CAB39: variants seen among roughly 807,000 people sequenced by gnomAD.
CAB39 encodes the protein calcium-binding protein 39.
CAB39 carries 8 observed loss-of-function variants against 40.0 expected under a neutral mutation model. The ratio of observed to expected loss-of-function variants is 0.20; its 90% confidence interval spans 0.12 to 0.36. The LOEUF is 0.36. Ranked by LOEUF, CAB39 falls within the 10% of genes least tolerant of loss-of-function variation. CAB39 has a pLI of 1.00. For synonymous variants in CAB39, 156 were observed against 141.6 expected (o/e 1.10, Z -0.72); for missense variants, 270 against 401.1 (o/e 0.67, Z 2.79).
At chr2:230,765,041 C>T (rs1695360834) in intron 2 of CAB39, among the ~76,000 whole-genome samples, 1 of 152,128 alleles carries the variant, frequency 6.6e-6, no homozygotes, top group African/African-American at 2.4e-5. Context: ...GGCTGGAGTG[C>T]AGTGGCGCAG....
intron 1 of CAB39, among the ~76,000 whole-genome samples, chr2:230,733,083 T>C (rs563129440): frequency 6.6e-6 from 1 of 152,274 alleles, no homozygotes; most frequent in Non-Finnish European, 1.5e-5. Flanking sequence ...GATTGAGAAA[T>C]GGACATGCAC....
intron 1 of CAB39, among the ~76,000 whole-genome samples, chr2:230,747,236 GA>G (rs577190943): frequency 7.6e-4 from 116 of 152,240 alleles, no homozygotes; most frequent in African/African-American, 2.6e-3. Context: ...AAAAGAAAAA[GA>G]AAAAAGTGGT....
chr2:230,732,221 A>G (rs1266763028), intron 1 of CAB39, among the ~76,000 whole-genome samples: 1 of 152,086 alleles, frequency 6.6e-6, no homozygotes, highest in Non-Finnish European at 1.5e-5. Flanking sequence ...AGCTGGGACT[A>G]CAGGCGCCTG....
Position 230,798,861 on chromosome 2 carries a change from A to G in CAB39, c.531A>G (p.Thr177=). ...YDFFRYVEMS[T]FDIASDAFAT... The stretch of plus-strand genomic sequence containing the variant: ...TCTTCAGATATGTCGAAATGTCAAC[A>G]TTTGACATAGCTTCAGATGCATTTG... The change falls in exon 5 of 9, where the codon ACA becomes ACG. Residue 177 remains threonine, a synonymous_variant. Transcript: ENST00000258418. 1.2e-6 allele frequency: 2 copies of G among 1,604,864 alleles called. No individual in the cohort carries two copies. The highest frequency in any genetic ancestry group is 1.7e-6 in the Non-Finnish European group (2 of 1,173,912).
At chr2:230,818,416 C>T in intron 8 of CAB39, 100 bp from the exon 9 acceptor site, 1 of 924,294 alleles carries the variant, frequency 1.1e-6, no homozygotes, top group Non-Finnish European at 1.7e-6. Flanking sequence ...AGCGCCATCC[C>T]AGGAGAGCAC....
At chr2:230,776,496 C>T (rs1226211038) in intron 2 of CAB39, among the ~76,000 whole-genome samples, 1 of 152,154 alleles carries the variant, frequency 6.6e-6, no homozygotes, top group East Asian at 1.9e-4. Context: ...ATCTGTTCTC[C>T]AAGTCTATAC....
At chr2:230,782,453 A>G (rs555347774) in intron 2 of CAB39, among the ~76,000 whole-genome samples, 2 of 152,302 alleles carry the variant, frequency 1.3e-5, no homozygotes, top group South Asian at 4.1e-4. Flanking sequence ...TTTGATCTAT[A>G]TAATTTACCT....
intron 1 of CAB39, among the ~76,000 whole-genome samples, chr2:230,731,798 T>C (rs1304534671): frequency 1.3e-5 from 2 of 151,940 alleles, no homozygotes; most frequent in Non-Finnish European, 2.9e-5. Flanking sequence ...CCCAGCTGAA[T>C]TGTATGCTGA....
intron 1 of CAB39, among the ~76,000 whole-genome samples, chr2:230,741,948 C>G (rs1262453110): frequency 1.3e-5 from 2 of 152,078 alleles, no homozygotes; most frequent in Non-Finnish European, 2.9e-5. Context: ...AAGCAGCCAT[C>G]CTTTCTCAAA....
At chr2:230,754,993 A>C (rs1360114293) in intron 1 of CAB39, among the ~76,000 whole-genome samples, 19 of 152,314 alleles carry the variant, frequency 1.2e-4, no homozygotes, top group Non-Finnish European at 1.9e-4. Context: ...CCAGTCTCAT[A>C]CAGGTTGCTG....
chr2:230,738,875 T>A (rs1694830011), intron 1 of CAB39, among the ~76,000 whole-genome samples: 1 of 152,188 alleles, frequency 6.6e-6, no homozygotes, highest in Non-Finnish European at 1.5e-5. Context: ...AAATAAAACT[T>A]TTTTTCAGAA....
chr2:230,740,664 C>A (rs749752795), intron 1 of CAB39, among the ~76,000 whole-genome samples: 78 of 152,092 alleles, frequency 5.1e-4, no homozygotes, highest in Non-Finnish European at 7.8e-4. Flanking sequence ...CCCTCGAATG[C>A]ACAGTTCGCA....
At chr2:230,792,164 A>G (rs1695903422) in intron 3 of CAB39, among the ~76,000 whole-genome samples, 2 of 152,234 alleles carry the variant, frequency 1.3e-5, no homozygotes, top group Admixed American at 6.5e-5. Flanking sequence ...TTTTCATTTC[A>G]TAGCTGATTT....
intron 1 of CAB39, chr2:230,725,396 G>A: frequency 6.3e-7 from 1 of 1,599,098 alleles, no homozygotes; most frequent in East Asian, 2.2e-5. Flanking sequence ...CTTTTGGGAG[G>A]TTGTCATCTT....
At chr2:230,749,578 T>G (rs1374608464) in intron 1 of CAB39, among the ~76,000 whole-genome samples, 1 of 152,234 alleles carries the variant, frequency 6.6e-6, no homozygotes. Flanking sequence ...AAAGATGGGA[T>G]TATATGTATG....
At chr2:230,718,316 TACTG>T (rs1241020898) in intron 1 of CAB39, among the ~76,000 whole-genome samples, 2 of 152,264 alleles carry the variant, frequency 1.3e-5, no homozygotes, top group Non-Finnish European at 2.9e-5. Context: ...CTTTACAGTG[TACTG>T]ACTATTAACA....
intron 5 of CAB39, among the ~76,000 whole-genome samples, chr2:230,803,059 G>A (rs568770103): frequency 5.6e-4 from 85 of 152,258 alleles, no homozygotes; most frequent in Admixed American, 2.2e-3. Context: ...TATCCACCAC[G>A]ATCAAGTGGG....
intron 1 of CAB39, 194 bp downstream of exon 1, chr2:230,713,424 C>T (rs886912553): frequency 7.2e-5 from 11 of 152,320 alleles, no homozygotes; most frequent in Admixed American, 4.6e-4. Context: ...GCTCCGGTCC[C>T]TCGCTGAGAC....
intron 1 of CAB39, among the ~76,000 whole-genome samples, chr2:230,724,348 A>G (rs891525307): frequency 1.3e-5 from 2 of 151,874 alleles, no homozygotes; most frequent in African/African-American, 4.8e-5. Flanking sequence ...TAGCACAGGT[A>G]TGTTTTAGCA....
Sources: gnomAD v4.1 joint callset for allele counts (sites outside exome capture counted in the v4.1 genomes callset) on GRCh38, gnomAD v4.1.1 for gene constraint, MANE v1.5 for transcripts, NCBI Gene and HGNC (gene_info 2026-07-23, HGNC 2026-07-21) for gene names.